DUSP8: variants seen among roughly 807,000 people sequenced by gnomAD.
The protein encoded by DUSP8 is dual specificity phosphatase 8.
In DUSP8, 15 loss-of-function variants were observed where a neutral mutation model predicts 38.7. The ratio of observed to expected loss-of-function variants is 0.39; its 90% CI spans 0.26 to 0.60. The LOEUF (loss-of-function observed/expected upper bound fraction) is 0.60. Among genes scored for constraint, DUSP8 ranks in the 20% least tolerant of loss-of-function variants. The probability of loss-of-function intolerance (pLI) is 0.56; values close to 1 mark genes in which losing one functional copy is unlikely to be tolerated. For missense variants in DUSP8, 768 were observed against 915.0 expected (o/e 0.84, Z 2.07); for synonymous variants, 458 against 433.9 (o/e 1.06, Z -0.69).
In DUSP8 at chr11:1,556,518, T is replaced by A; in HGVS notation, c.1878A>T (p.Ter626CysextTer16). Reference protein sequence around the residue: ...SGSVEVIEVS* With the variant: ...SGSVEVIEVSC ...GGCGGGGCCGAGGGCAGCGGAGGGG[T>A]CAGGACACCTCGATGACCTCCACGC... Residue 626 changes from the stop codon to cysteine, a stop_lost, in exon 7 of 7, where the codon TGA (stop) becomes TGT (cysteine). Coordinates refer to ENST00000397374, the MANE Select transcript of DUSP8 (RefSeq NM_004420.3). The surrounding 1 kb of genome is among the most constrained non-coding windows in gnomAD (Gnocchi z 5.2). 1 of 1,292,618 alleles carries A rather than the reference T, an allele frequency of 7.7e-7. No individual in the cohort carries two copies. The allele number at this position is 1,292,618 out of a possible 1,614,324, so 80.1% of individuals were successfully genotyped here.
intron 1 of DUSP8, among the ~76,000 whole-genome samples, chr11:1,568,186 A>AC (rs937826693): frequency 1.3e-5 from 2 of 151,398 alleles, no homozygotes; most frequent in African/African-American, 4.9e-5. Context: ...AGAAGCAAAT[A>AC]CCCCCCAGTG....
chr11:1,557,308 G>T lies in DUSP8; in HGVS notation c.1088C>A (p.Thr363Lys), dbSNP rs773490281. ...SAGGEPPAPP[T>K]PPATSALQQG... ...CTGCAGTGCGCTGGTCGCCGGGGGC[G>T]TGGGGGGCGCGGGGGGCTCCCCGCC... Residue 363 changes from threonine to lysine, a missense_variant, in exon 7 of 7, where the codon ACG (threonine) becomes AAG (lysine). Physicochemically the swap from Thr to Lys is moderately conservative, Grantham distance 78. Transcript: ENST00000397374. This position sits in a 1 kb window ranked among gnomAD's most constrained non-coding sequence, Gnocchi z 9.9. The T allele has an allele frequency of 9.5e-6, 14 of 1,478,866 alleles. No individual in the cohort carries two copies. In the East Asian group the frequency reaches 3.9e-4, roughly 41 times the overall value. 91.6% of individuals were successfully genotyped at this position (1,478,866 alleles called of 1,614,324 possible).
Position 1,555,639 on chromosome 11 carries a change from C to T in DUSP8, c.*879G>A. ...GCCAAGCTCCTCTCCTGCAATGGTG[C>T]CACCCTGCCCGGCAGGCAGCTCTGG... On this transcript the variant is annotated 3_prime_UTR_variant, in exon 7 of 7. Coordinates refer to ENST00000397374, the MANE Select transcript of DUSP8 (RefSeq NM_004420.3). 1 of 189,180 alleles carries T rather than the reference C, an allele frequency of 5.3e-6. No homozygotes were observed. Among genetic ancestry groups the T allele is most frequent in the Non-Finnish European group, 9.8e-6 (1 of 101,642 alleles). The allele number at this position is 189,180 out of a possible 1,614,324, so 11.7% of individuals were successfully genotyped here. A position where few individuals can be genotyped will look rare whatever the true frequency, so the allele number is the denominator to read the frequency against.
In DUSP8 at chr11:1,556,894, T is replaced by A. The variant is rs1050635772; in HGVS notation, c.1502A>T (p.Gln501Leu). The change falls in exon 7 of 7, where the codon CAG becomes CTG. Residue 501 changes from glutamine to leucine, a missense_variant. This residue lies in a region of DUSP8 where 474 missense variants were observed against 430.8 expected (regional missense o/e 1.10). Transcript: ENST00000397374. The surrounding 1 kb of genome is among the most constrained non-coding windows in gnomAD (Gnocchi z 5.2). ...TGCCCAGGCCCCGGGGCCGGCCGGCTGGCCAGGGCCGGGCAGCCCGGGCGC... is the reference window on the plus strand; with the variant it reads ...TGCCCAGGCCCCGGGGCCGGCCGGCAGGCCAGGGCCGGGCAGCCCGGGCGC... ...LSAPGLPGPGQPAGPGAWAPP... is the reference protein window; with the variant it reads ...LSAPGLPGPGLPAGPGAWAPP... 6 of 1,089,718 alleles carry A rather than the reference T, an allele frequency of 5.5e-6. No homozygotes were observed. The highest frequency in any genetic ancestry group is 6.7e-6 in the Non-Finnish European group (6 of 898,710). 67.5% of individuals were successfully genotyped at this position (1,089,718 alleles called of 1,614,324 possible).
intron 3 of DUSP8, among the ~76,000 whole-genome samples, chr11:1,562,667 GCACA>G (rs1848739632): frequency 6.7e-6 from 1 of 150,292 alleles, no homozygotes; most frequent in Non-Finnish European, 1.5e-5. Context: ...ACATGTACAT[GCACA>G]CACATACATG....
Position 1,555,599 on chromosome 11 carries a change from G to C in DUSP8, c.*919C>G. On this transcript the variant is annotated 3_prime_UTR_variant, in exon 7 of 7. Coordinates refer to ENST00000397374, the MANE Select transcript of DUSP8 (RefSeq NM_004420.3). Reference sequence around the variant, plus strand: ...AGCACTGGCTAGCCAGGCGCCTCCTGCCTGACCCCCGGAGGCCAAGCTCCT... The same window carrying C: ...AGCACTGGCTAGCCAGGCGCCTCCTCCCTGACCCCCGGAGGCCAAGCTCCT... 4.3e-6 allele frequency: 2 copies of C among 466,734 alleles called. No individual in the cohort carries two copies. Among genetic ancestry groups the C allele is most frequent in the Non-Finnish European group, 5.6e-6 (2 of 356,004 alleles). The allele number at this position is 466,734 out of a possible 1,614,324, so 28.9% of individuals were successfully genotyped here.
Position 1,563,901 on chromosome 11 carries a change from A to C in DUSP8, c.320T>G (p.Ile107Ser). The change falls in exon 3 of 7, where the codon ATC (isoleucine) becomes AGC (serine). Residue 107 changes from isoleucine (I) to serine (S), a missense_variant. By Grantham distance (142) the Ile-to-Ser change is moderately radical. Around this residue, in one of 3 missense-constraint regions of DUSP8, gnomAD observed 252 missense variants for 410.4 expected, o/e 0.61. Coordinates refer to ENST00000397374, the MANE Select transcript of DUSP8 (RefSeq NM_004420.3). ...GCAGCCGTCCAGCTTGCTCAGCAGG[A>C]TGGAGAGGAAGCTGTCTGCGGCCAG... ...SVLAADSFLS[I>S]LLSKLDGCFD... The C allele has an allele frequency of 6.4e-7, 1 of 1,552,242 alleles. No individual in the cohort carries two copies. Among genetic ancestry groups the C allele is most frequent in the Non-Finnish European group, 8.7e-7 (1 of 1,147,818 alleles).
chr11:1,570,225 A>G (rs1218274795), intron 1 of DUSP8, among the ~76,000 whole-genome samples: 1 of 152,104 alleles, frequency 6.6e-6, no homozygotes, highest in African/African-American at 2.4e-5. Context: ...CTCCCTTCCC[A>G]CCAGACCTGT....
rs1017293753 is a variant in DUSP8 at position 1,557,651 on chromosome 11, G to A, written c.822-77C>T. On this transcript the variant is annotated intron_variant, in intron 6 of 6. Coordinates refer to ENST00000397374, the MANE Select transcript of DUSP8 (RefSeq NM_004420.3). This position sits in a 1 kb window ranked among gnomAD's most constrained non-coding sequence, Gnocchi z 9.9. ...CCTGACGCACCCGCTGGGCACCCAC[G>A]AGCTCATGTGCGCCAGGCTGGTCTC... is the stretch of plus-strand genomic sequence containing the variant. 3.9e-6 allele frequency: 6 copies of A among 1,529,776 alleles called. No individual in the cohort carries two copies. The highest frequency in any genetic ancestry group is 2.3e-5 in the East Asian group (1 of 42,932). 94.8% of individuals were successfully genotyped at this position (1,529,776 alleles called of 1,614,324 possible). A position where few individuals can be genotyped will look rare whatever the true frequency, so the allele number is the denominator to read the frequency against.
Position 1,565,953 on chromosome 11 carries a change from G to A in DUSP8, c.-108-19C>T. On this transcript the variant is annotated intron_variant, in intron 1 of 6. Coordinates refer to ENST00000397374, the MANE Select transcript of DUSP8 (RefSeq NM_004420.3). The stretch of plus-strand genomic sequence containing the variant: ...GCTGGACCTGCAGGGACAGGGGGAT[G>A]GTCAGCAGTGCTGCGGGCCCCTGGG... 1.3e-6 allele frequency: 1 copy of A among 795,594 alleles called. No homozygotes were observed. The highest frequency in any genetic ancestry group is 2.1e-6 in the Non-Finnish European group (1 of 486,844). The allele number at this position is 795,594 out of a possible 1,614,324, so 49.3% of individuals were successfully genotyped here.
intron 1 of DUSP8, among the ~76,000 whole-genome samples, chr11:1,567,435 C>G (rs1848820515): frequency 6.6e-6 from 1 of 152,238 alleles, no homozygotes; most frequent in African/African-American, 2.4e-5. Context: ...CACAGAGCAG[C>G]AGGTGCAAGG....
intron 3 of DUSP8, among the ~76,000 whole-genome samples, chr11:1,562,067 C>T (rs1477277542): frequency 1.3e-5 from 2 of 152,222 alleles, no homozygotes; most frequent in Admixed American, 6.5e-5. Context: ...GTGGCATGAC[C>T]AGGCCCTGGG....
chr11:1,564,130 G>A, intron 2 of DUSP8, 141 bp from the exon 3 acceptor site: 3 of 1,067,550 alleles, frequency 2.8e-6, no homozygotes, highest in Non-Finnish European at 3.8e-6. Flanking sequence ...GCCTGGAGGG[G>A]AGGGCAGGTG....
chr11:1,566,389 T>C (rs995910769), intron 1 of DUSP8, among the ~76,000 whole-genome samples: 22 of 152,100 alleles, frequency 1.4e-4, no homozygotes, highest in African/African-American at 5.1e-4. Context: ...CACCTGCCCC[T>C]CTCTCCCTAG....
chr11:1,570,289 C>A (rs1564938523), intron 1 of DUSP8, among the ~76,000 whole-genome samples: 1 of 152,176 alleles, frequency 6.6e-6, no homozygotes, highest in Admixed American at 6.5e-5. Context: ...CAGTGTGGCG[C>A]TTCCAAGGTT....
chr11:1,559,721 C>T (rs1390110159), intron 3 of DUSP8, among the ~76,000 whole-genome samples: 1 of 152,194 alleles, frequency 6.6e-6, no homozygotes, highest in African/African-American at 2.4e-5. Flanking sequence ...AGTGGAGAAG[C>T]CCGGGGCACT....
chr11:1,564,911 C>T (rs574065117), intron 2 of DUSP8, among the ~76,000 whole-genome samples: 4 of 152,326 alleles, frequency 2.6e-5, no homozygotes, highest in African/African-American at 9.6e-5. Context: ...GGGCCAAGAG[C>T]TTGTCACCCT....
chr11:1,569,529 C>T (rs1848856184), intron 1 of DUSP8, among the ~76,000 whole-genome samples: 1 of 152,150 alleles, frequency 6.6e-6, no homozygotes, highest in African/African-American at 2.4e-5. Context: ...CGTCCTTGCC[C>T]TCTGTATGCA....
At position 1,555,025 on chromosome 11, in the gene DUSP8, CCTGGCCCTGCTCCAGGACTCAGGA is replaced by C. The variant is rs1024309848; in HGVS notation, c.*1469_*1492del. The C allele has an allele frequency of 6.1e-6, 6 of 986,128 alleles. No individual in the cohort carries two copies. The African/African-American group carries it at 1.0e-4, about 17-fold the overall frequency. 61.1% of individuals were successfully genotyped at this position (986,128 alleles called of 1,614,324 possible). A position where few individuals can be genotyped will look rare whatever the true frequency, so the allele number is the denominator to read the frequency against. ...CTGGCTGGGGCGGGATGGGCGCCTC[CCTGGCCCTGCTCCAGGACTCAGGA>C]CTGGGTCCTGCCCTGGGCTGCCTCT... is the stretch of plus-strand genomic sequence containing the variant. On this transcript the variant is annotated 3_prime_UTR_variant, in exon 7 of 7. Coordinates refer to ENST00000397374, the MANE Select transcript of DUSP8 (RefSeq NM_004420.3).
Sources: gnomAD v4.1 joint callset for allele counts (sites outside exome capture counted in the v4.1 genomes callset) on GRCh38, gnomAD v4.1.1 for gene constraint, gnomAD v4.1.1 regional missense constraint, Gnocchi (gnomAD v3.1) non-coding constraint, MANE v1.5 for transcripts, NCBI Gene and HGNC (gene_info 2026-07-23, HGNC 2026-07-21) for gene names.